The following LRRTM4 variants were observed in gnomAD, a reference collection of about 807,000 sequenced individuals.
The protein encoded by LRRTM4 is leucine-rich repeat transmembrane neuronal protein 4.
Under a neutral mutation model 47.6 loss-of-function variants are expected in LRRTM4, and 25 were observed. That is an observed-to-expected ratio of 0.53 (90% CI 0.38 to 0.73). The LOEUF is 0.73. Among genes scored for constraint, LRRTM4 ranks in the 30% least tolerant of loss-of-function variants. LRRTM4 has a pLI of 0.00. For missense variants in LRRTM4, 638 were observed against 713.4 expected, an observed-to-expected ratio of 0.89 and a Z score of 1.20; for synonymous variants, 311 against 269.5, an observed-to-expected ratio of 1.15 and a Z score of -1.51.
intron 3 of LRRTM4, among the ~76,000 whole-genome samples, chr2:76,891,855 T>G (rs1176159760): frequency 6.6e-6 from 1 of 151,542 alleles, no homozygotes; most frequent in South Asian, 2.1e-4. Flanking sequence ...GATAAAAGAT[T>G]CATTAATTTG....
intron 3 of LRRTM4, among the ~76,000 whole-genome samples, chr2:77,428,016 T>C (rs1675192268): frequency 6.6e-6 from 1 of 152,126 alleles, no homozygotes; most frequent in Admixed American, 6.5e-5. Flanking sequence ...GTTACTCCCA[T>C]GCTACTGTTC....
intron 3 of LRRTM4, among the ~76,000 whole-genome samples, chr2:77,347,925 T>A (rs1402560334): frequency 6.6e-6 from 1 of 151,980 alleles, no homozygotes; most frequent in Non-Finnish European, 1.5e-5. Flanking sequence ...TAATGATGCT[T>A]GAACCGTGTC....
chr2:77,325,896 C>T (rs980547746), intron 3 of LRRTM4, among the ~76,000 whole-genome samples: 5 of 152,132 alleles, frequency 3.3e-5, no homozygotes. Context: ...AATATGGCAC[C>T]TTGGCATTTG....
At chr2:77,073,473 A>G (rs748809382) in intron 3 of LRRTM4, among the ~76,000 whole-genome samples, 1 of 151,892 alleles carries the variant, frequency 6.6e-6, no homozygotes, top group Non-Finnish European at 1.5e-5. Context: ...CCTTTCCATT[A>G]TTTGTTTTTT....
At chr2:77,435,713 A>T (rs1675565070) in intron 3 of LRRTM4, among the ~76,000 whole-genome samples, 1 of 152,096 alleles carries the variant, frequency 6.6e-6, no homozygotes, top group Admixed American at 6.6e-5. Flanking sequence ...GACAGCCCAA[A>T]ACGTTCCTCA....
intron 3 of LRRTM4, among the ~76,000 whole-genome samples, chr2:77,135,977 C>T (rs1432666160): frequency 6.6e-6 from 1 of 151,520 alleles, no homozygotes; most frequent in African/African-American, 2.4e-5. Context: ...ACCTAAATAC[C>T]CAATTTAGGA....
In LRRTM4 at chr2:77,180,535, AT is replaced by A. The variant is rs1673319107; in HGVS notation, c.1551+337782del. 2.0e-5 allele frequency among the ~76,000 whole-genome samples: 3 copies of A among 152,158 alleles called. No individual in the cohort carries two copies. In the South Asian group the frequency reaches 6.2e-4, roughly 31 times the overall value. On this transcript the variant is annotated intron_variant, in intron 3 of 3. Transcript: ENST00000409884. ...ATAAAATGGAGATTTAGTTCTTCCT[AT>A]ATCATAGACCTGTTGAGAAATTCAT...
intron 3 of LRRTM4, among the ~76,000 whole-genome samples, chr2:76,885,586 C>T (rs938299295): frequency 6.6e-6 from 1 of 151,904 alleles, no homozygotes; most frequent in African/African-American, 2.4e-5. Flanking sequence ...CCTCAGCCTC[C>T]TGAGTAGCTG....
chr2:76,877,257 T>G (rs906823813), intron 3 of LRRTM4, among the ~76,000 whole-genome samples: 2 of 152,152 alleles, frequency 1.3e-5, no homozygotes, highest in Non-Finnish European at 1.5e-5. Context: ...AAAATGTTAC[T>G]TTATTAGTTA....
intron 3 of LRRTM4, among the ~76,000 whole-genome samples, chr2:77,224,669 C>G (rs527380662): frequency 2.6e-4 from 39 of 152,262 alleles, no homozygotes; most frequent in East Asian, 1.5e-3. Flanking sequence ...GAGATACCAT[C>G]TCACACCAGT....
chr2:77,292,785 C>T (rs1439660108), intron 3 of LRRTM4, among the ~76,000 whole-genome samples: 3 of 151,142 alleles, frequency 2.0e-5, no homozygotes, highest in African/African-American at 7.3e-5. Context: ...CAGCATGGCA[C>T]ATGTATACAT....
intron 3 of LRRTM4, among the ~76,000 whole-genome samples, chr2:77,314,929 C>T (rs964401248): frequency 8.5e-5 from 13 of 152,144 alleles, no homozygotes; most frequent in Admixed American, 7.9e-4. Context: ...TCGATCTCTG[C>T]AGCGTACTAT....
At position 76,853,723 on chromosome 2, in the gene LRRTM4, T is replaced by C. The variant is rs186635297; in HGVS notation, c.1552-104807A>G. 2.3e-3 allele frequency among the ~76,000 whole-genome samples: 351 copies of C among 152,246 alleles called. 2 individuals are homozygous for C. The highest frequency in any genetic ancestry group is 8.4e-3 in the African/African-American group (348 of 41,568). On this transcript the variant is annotated intron_variant, in intron 3 of 3. Transcript: ENST00000409884. ...CAGTGTATATTAGGCATACAATATA[T>C]CACAAAAGGTGTTAAGGTAAATTCC...
chr2:76,858,496 G>A (rs148648102), intron 3 of LRRTM4, among the ~76,000 whole-genome samples: 2 of 152,110 alleles, frequency 1.3e-5, no homozygotes, highest in African/African-American at 2.4e-5. Flanking sequence ...CTAGGTCCTC[G>A]GGGAGGAGTG....
chr2:77,090,231 A>C (rs1450333135), intron 3 of LRRTM4, among the ~76,000 whole-genome samples: 4 of 152,138 alleles, frequency 2.6e-5, no homozygotes, highest in Non-Finnish European at 5.9e-5. Context: ...GCTGGTGCTA[A>C]AGGCATAGTC....
chr2:77,246,078 A>C (rs1004168442), intron 3 of LRRTM4, among the ~76,000 whole-genome samples: 2 of 152,190 alleles, frequency 1.3e-5, no homozygotes, highest in African/African-American at 4.8e-5. Context: ...AGCCATCTTT[A>C]CTGATGAGTA....
At chr2:77,420,984 A>G (rs1207844470) in intron 3 of LRRTM4, among the ~76,000 whole-genome samples, 1 of 150,646 alleles carries the variant, frequency 6.6e-6, no homozygotes, top group Non-Finnish European at 1.5e-5. Flanking sequence ...TCCTTGGAGA[A>G]ATAGTGGGCC....
At position 77,342,541 on chromosome 2, in the gene LRRTM4, A is replaced by T. The variant is rs190787297; in HGVS notation, c.1551+175777T>A. On this transcript the variant is annotated intron_variant, in intron 3 of 3. Coordinates refer to ENST00000409884, the MANE Select transcript of LRRTM4 (RefSeq NM_001134745.3). ...TGCCAATTCATAACTGTTAGATCTT[A>T]AACAAATTTTTTAATATCTAGAACA... Among the ~76,000 whole-genome samples the T allele has an allele frequency of 2.1e-3, 324 of 152,124 alleles. 1 individual carries two copies. The highest frequency in any genetic ancestry group is 3.4e-3 in the Middle Eastern group (1 of 294).
At chr2:77,313,776 C>T (rs1252269922) in intron 3 of LRRTM4, among the ~76,000 whole-genome samples, 1 of 152,158 alleles carries the variant, frequency 6.6e-6, no homozygotes, top group African/African-American at 2.4e-5. Context: ...ACACTCTTCT[C>T]CCTGAAGACA....
Sources: allele counts gnomAD v4.1 joint callset (sites outside exome capture counted in the v4.1 genomes callset), GRCh38; gene constraint gnomAD v4.1.1; transcripts MANE v1.5; gene names NCBI Gene and HGNC (gene_info 2026-07-23, HGNC 2026-07-21).